The following CADM2 variants were observed in gnomAD, a reference collection of about 807,000 sequenced individuals.
The protein encoded by CADM2 is immunoglobulin superfamily member 4D.
CADM2 carries 12 observed loss-of-function variants against 49.8 expected under a neutral mutation model. The ratio of observed to expected loss-of-function variants is 0.24; its 90% CI spans 0.15 to 0.39. CADM2 has a LOEUF of 0.39. Ranked by LOEUF, CADM2 falls within the 10% of genes least tolerant of loss-of-function variation. The pLI is 1.00. For missense variants in CADM2, 378 were observed against 492.3 expected (o/e 0.77, Z 2.20); for synonymous variants, 214 against 175.4 (o/e 1.22, Z -1.74).
chr3:85,292,229 G>C (rs1207228065), intron 1 of CADM2, among the ~76,000 whole-genome samples: 1 of 149,426 alleles, frequency 6.7e-6, no homozygotes, highest in Non-Finnish European at 1.5e-5. Context: ...AATTCAACAA[G>C]AAGAGCTAAC....
chr3:85,385,595 T>C (rs2034176856), intron 1 of CADM2: 1 of 152,136 alleles, frequency 6.6e-6, no homozygotes, highest in African/African-American at 2.4e-5. Flanking sequence ...CAGGTTCATG[T>C]TGTTAAGAGC....
At chr3:85,849,183 T>G (rs2074998609) in intron 3 of CADM2, among the ~76,000 whole-genome samples, 1 of 152,162 alleles carries the variant, frequency 6.6e-6, no homozygotes, top group South Asian at 2.1e-4. Context: ...GTGAGCCAAA[T>G]TCGTATTTAT....
In CADM2 at chr3:85,010,934, G is replaced by A. The variant is rs1185188557; in HGVS notation, c.61+51266G>A. 5.0e-5 allele frequency among the ~76,000 whole-genome samples: 6 copies of A among 119,438 alleles called. No homozygotes were observed. In the Admixed American group the frequency reaches 7.1e-4, roughly 14 times the overall value. 78.4% of individuals were successfully genotyped at this position (119,438 alleles called of 152,430 possible). ...GCTGGAGTGCAGTGGCGTGATCTCAGCTCACTGCAAGCTCCACCTCCCGGG... is the reference window on the plus strand; with the variant it reads ...GCTGGAGTGCAGTGGCGTGATCTCAACTCACTGCAAGCTCCACCTCCCGGG... On this transcript the variant is annotated intron_variant, in intron 1 of 9. Transcript: ENST00000383699.
intron 1 of CADM2, among the ~76,000 whole-genome samples, chr3:85,640,890 C>T (rs2064689721): frequency 6.6e-6 from 1 of 152,088 alleles, no homozygotes; most frequent in Admixed American, 6.5e-5. Flanking sequence ...AGTCTTTGAA[C>T]CACATTTCTA....
intron 2 of CADM2, among the ~76,000 whole-genome samples, chr3:85,740,734 G>T (rs1258479524): frequency 6.6e-6 from 1 of 152,138 alleles, no homozygotes; most frequent in African/African-American, 2.4e-5. Flanking sequence ...TCAATTAATT[G>T]CTCTTTTTCT....
intron 1 of CADM2, among the ~76,000 whole-genome samples, chr3:85,135,448 G>A (rs957421994): frequency 6.6e-6 from 1 of 151,974 alleles, no homozygotes; most frequent in Non-Finnish European, 1.5e-5. Context: ...CATAAATGTA[G>A]TCATGTTAAA....
At chr3:84,987,843 C>G (rs2032661818) in intron 1 of CADM2, among the ~76,000 whole-genome samples, 1 of 152,206 alleles carries the variant, frequency 6.6e-6, no homozygotes, top group Non-Finnish European at 1.5e-5. Flanking sequence ...TAATGTACCA[C>G]AACTGTTCTG....
chr3:86,003,088 T>G (rs560762152), intron 8 of CADM2, among the ~76,000 whole-genome samples: 1 of 152,178 alleles, frequency 6.6e-6, no homozygotes, highest in South Asian at 2.1e-4. Flanking sequence ...AGAGATAGTA[T>G]CCTCCTCCTT....
intron 1 of CADM2, among the ~76,000 whole-genome samples, chr3:85,723,514 A>G (rs1222199458): frequency 6.6e-6 from 1 of 152,116 alleles, no homozygotes; most frequent in East Asian, 1.9e-4. Flanking sequence ...GAGAATTATA[A>G]TTGAGCTAAC....
chr3:85,486,176 G>A (rs1468370669), intron 1 of CADM2, among the ~76,000 whole-genome samples: 1 of 152,008 alleles, frequency 6.6e-6, no homozygotes, highest in Non-Finnish European at 1.5e-5. Flanking sequence ...GCTATCTTCA[G>A]AAAATAATTT....
intron 1 of CADM2, among the ~76,000 whole-genome samples, chr3:85,570,592 A>T (rs1364580215): frequency 6.6e-6 from 1 of 152,158 alleles, no homozygotes; most frequent in East Asian, 1.9e-4. Flanking sequence ...GAGCACAAAA[A>T]TAGGTAGCGT....
At position 85,807,678 on chromosome 3, in the gene CADM2, GT is replaced by G. The variant is rs2072536946; in HGVS notation, c.238+5485del. On this transcript the variant is annotated intron_variant, in intron 3 of 9. Coordinates refer to ENST00000383699, the MANE Select transcript of CADM2 (RefSeq NM_001167675.2). ...AAATAGAGTAAAATTTAAAAATTTG[GT>G]TTCTGCCACACTAGACATATTTCAA... 2.0e-5 allele frequency among the ~76,000 whole-genome samples: 3 copies of G among 151,944 alleles called. No homozygotes were observed. The South Asian group carries it at 6.2e-4, about 32-fold the overall frequency.
At chr3:85,261,082 T>C (rs2043005150) in intron 1 of CADM2, among the ~76,000 whole-genome samples, 2 of 152,136 alleles carry the variant, frequency 1.3e-5, no homozygotes, top group African/African-American at 2.4e-5. Context: ...CTAATTTCCA[T>C]ATTGCTTTTC....
At chr3:85,054,203 A>G (rs2107417203) in intron 1 of CADM2, among the ~76,000 whole-genome samples, 1 of 152,044 alleles carries the variant, frequency 6.6e-6, no homozygotes, top group Non-Finnish European at 1.5e-5. Flanking sequence ...ATCTAATTGG[A>G]GGATCAGAAA....
At chr3:85,604,955 G>A (rs928354823) in intron 1 of CADM2, among the ~76,000 whole-genome samples, 3 of 151,918 alleles carry the variant, frequency 2.0e-5, no homozygotes, top group African/African-American at 7.2e-5. Flanking sequence ...TGATGCAAAG[G>A]TTTCATTTTG....
chr3:85,707,554 C>T (rs907142929), intron 1 of CADM2, among the ~76,000 whole-genome samples: 15 of 152,100 alleles, frequency 9.9e-5, no homozygotes, highest in Middle Eastern at 3.4e-3. Context: ...AATAGTACAT[C>T]TGCACTGAAA....
chr3:85,629,063 A>G (rs372610349), intron 1 of CADM2, among the ~76,000 whole-genome samples: 9 of 151,916 alleles, frequency 5.9e-5, no homozygotes, highest in East Asian at 5.8e-4. Flanking sequence ...TGTGCATACA[A>G]TAGTTAACCC....
chr3:86,018,807 T>A (rs1471858190), intron 8 of CADM2, among the ~76,000 whole-genome samples: 1 of 151,526 alleles, frequency 6.6e-6, no homozygotes, highest in African/African-American at 2.4e-5. Flanking sequence ...GTTGTGAAAA[T>A]TTTCTCCCAT....
chr3:84,998,655 C>G (rs1189842004), intron 1 of CADM2, among the ~76,000 whole-genome samples: 5 of 152,032 alleles, frequency 3.3e-5, no homozygotes, highest in Non-Finnish European at 7.4e-5. Flanking sequence ...AACAATTGTT[C>G]TGGAACTCTG....
Sources: allele counts gnomAD v4.1 joint callset (sites outside exome capture counted in the v4.1 genomes callset), GRCh38; gene constraint gnomAD v4.1.1; transcripts MANE v1.5; gene names NCBI Gene and HGNC (gene_info 2026-07-23, HGNC 2026-07-21).